The following KDM5A variants were observed in gnomAD, a reference collection of about 807,000 sequenced individuals.
The protein encoded by KDM5A is lysine-specific demethylase 5A.
Under a neutral mutation model 193.5 loss-of-function variants are expected in KDM5A, and 42 were observed. The ratio of observed to expected loss-of-function variants is 0.22; its 90% confidence interval spans 0.17 to 0.28. KDM5A has a LOEUF of 0.28. Ranked by LOEUF, KDM5A falls within the 10% of genes least tolerant of loss-of-function variation. The pLI is 1.00. For missense variants in KDM5A, 1,692 were observed against 2,055.1 expected, an observed-to-expected ratio of 0.82 and a Z score of 3.42; for synonymous variants, 796 against 718.1, an observed-to-expected ratio of 1.11 and a Z score of -1.73.
At chr12:366,180 A>G (rs903032211) in intron 3 of KDM5A, 76 bp from the exon 4 acceptor site, 3 of 1,301,330 alleles carry the variant, frequency 2.3e-6, no homozygotes, top group Admixed American at 4.0e-5. Context: ...TGTCTACTAA[A>G]TAGAAAAATT....
At chr12:357,415 C>G (rs985745634) in intron 5 of KDM5A, among the ~76,000 whole-genome samples, 10 of 151,634 alleles carry the variant, frequency 6.6e-5, no homozygotes, top group Non-Finnish European at 1.3e-4. Flanking sequence ...GCAGGAAGAT[C>G]ACTTGAAGCC....
At chr12:328,353 T>C (rs990744735) in intron 14 of KDM5A, among the ~76,000 whole-genome samples, 4 of 152,214 alleles carry the variant, frequency 2.6e-5, no homozygotes, top group African/African-American at 4.8e-5. Flanking sequence ...ACACATTTTC[T>C]CATATATTAC....
At chr12:297,992 T>C (rs1310043238) in intron 24 of KDM5A, among the ~76,000 whole-genome samples, 1 of 152,154 alleles carries the variant, frequency 6.6e-6, no homozygotes, top group Non-Finnish European at 1.5e-5. Context: ...TATTGCTCTC[T>C]AGATTCCTCC....
chr12:312,248 C>G (rs1288165231), intron 20 of KDM5A, among the ~76,000 whole-genome samples: 1 of 152,182 alleles, frequency 6.6e-6, no homozygotes, highest in Non-Finnish European at 1.5e-5. Context: ...TAAAATACGT[C>G]TCTCCAACTA....
intron 19 of KDM5A, among the ~76,000 whole-genome samples, chr12:317,617 T>C (rs985950431): frequency 6.6e-6 from 1 of 152,252 alleles, no homozygotes; most frequent in African/African-American, 2.4e-5. Flanking sequence ...ACTTAGCGAC[T>C]GGCCAGGGAA....
intron 17 of KDM5A, chr12:322,201 T>A: frequency 1.8e-6 from 1 of 569,912 alleles, no homozygotes; most frequent in South Asian, 2.1e-5. Flanking sequence ...ATGTGCCTGC[T>A]ATGTATGAAG....
At position 285,682 on chromosome 12, in the gene KDM5A, G is replaced by C. The variant is rs368187088; in HGVS notation, c.4867-20C>G. 2 of 1,601,012 alleles carry C rather than the reference G, an allele frequency of 1.2e-6. No homozygotes were observed. The highest frequency in any genetic ancestry group is 1.7e-6 in the Non-Finnish European group (2 of 1,168,224). ...GTCTACCTGTAGGAAACAAGATTGGGGAATGTTTAGGTTACATAAACATTA... is the reference window on the plus strand; with the variant it reads ...GTCTACCTGTAGGAAACAAGATTGGCGAATGTTTAGGTTACATAAACATTA... On this transcript the variant is annotated intron_variant, in intron 27 of 27. Coordinates refer to ENST00000399788, the MANE Select transcript of KDM5A (RefSeq NM_001042603.3).
At chr12:317,973 C>T (rs540119308) in intron 19 of KDM5A, 133 bp downstream of exon 19, 42 of 693,724 alleles carry the variant, frequency 6.1e-5, no homozygotes, top group Non-Finnish European at 9.8e-5. Context: ...TTAACTAATG[C>T]TACTTATACA....
chr12:291,902 T>G (rs946283503), intron 27 of KDM5A, among the ~76,000 whole-genome samples: 2 of 113,316 alleles, frequency 1.8e-5, no homozygotes, highest in East Asian at 9.0e-4. Flanking sequence ...AAAACAATGC[T>G]TTTTTTTTTT....
chr12:387,348 AT>A (rs1442875539), intron 1 of KDM5A: 18 of 246,354 alleles, frequency 7.3e-5, no homozygotes, highest in South Asian at 2.2e-4. Context: ...TTATTTCAGC[AT>A]TTTTTTAAGT....
At chr12:317,888 G>T (rs1053917699) in intron 19 of KDM5A, among the ~76,000 whole-genome samples, 6 of 152,126 alleles carry the variant, frequency 3.9e-5, no homozygotes, top group Non-Finnish European at 5.9e-5. Context: ...GCCTGCCAAA[G>T]CAGGGAGAGA....
At chr12:334,540 C>G in intron 10 of KDM5A, 118 bp from the exon 11 acceptor site, 1 of 729,112 alleles carries the variant, frequency 1.4e-6, no homozygotes, top group East Asian at 2.7e-5. Context: ...CTAGTGCATA[C>G]AATCTGTGCT....
At chr12:325,652 C>T (rs946137909) in intron 14 of KDM5A, among the ~76,000 whole-genome samples, 5 of 151,940 alleles carry the variant, frequency 3.3e-5, no homozygotes, top group African/African-American at 1.2e-4. Flanking sequence ...CCAACTCGGG[C>T]AACAGAGTGA....
At chr12:348,321 C>A (rs1033448229) in intron 10 of KDM5A, among the ~76,000 whole-genome samples, 2 of 152,256 alleles carry the variant, frequency 1.3e-5, no homozygotes, top group Non-Finnish European at 2.9e-5. Flanking sequence ...TGGGACTGTA[C>A]ACTAGTTCAA....
intron 27 of KDM5A, among the ~76,000 whole-genome samples, chr12:292,186 G>A (rs1043353514): frequency 6.6e-6 from 1 of 152,170 alleles, no homozygotes; most frequent in Non-Finnish European, 1.5e-5. Context: ...TTACAGGCGT[G>A]AGCCACACCT....
rs150943044 is a variant in KDM5A at position 378,696 on chromosome 12, C to T, written c.366+5335G>A. Among the ~76,000 whole-genome samples, 456 of 152,322 alleles carry T rather than the reference C, an allele frequency of 3.0e-3. 13 individuals carry two copies. In the East Asian group the frequency reaches 0.065, roughly 22 times the overall value. Reference sequence around the variant, plus strand: ...TTATTCAGCCAGGCACGGTGGCTCACGCCTGTAATCCCAGCACTTTGGGAG... The same window carrying T: ...TTATTCAGCCAGGCACGGTGGCTCATGCCTGTAATCCCAGCACTTTGGGAG... On this transcript the variant is annotated intron_variant, in intron 3 of 27. Coordinates refer to ENST00000399788, the MANE Select transcript of KDM5A (RefSeq NM_001042603.3).
At chr12:318,740 G>A (rs1047521661) in intron 18 of KDM5A, among the ~76,000 whole-genome samples, 3 of 152,192 alleles carry the variant, frequency 2.0e-5, no homozygotes, top group Non-Finnish European at 4.4e-5. Flanking sequence ...CAGTATTAAA[G>A]AAGACATAAA....
At chr12:349,489 T>C (rs1193263318) in intron 10 of KDM5A, among the ~76,000 whole-genome samples, 1 of 151,398 alleles carries the variant, frequency 6.6e-6, no homozygotes, top group African/African-American at 2.4e-5. Flanking sequence ...ACCACCATAC[T>C]CGGCTAATTT....
chr12:323,841 TTA>T, intron 14 of KDM5A, 60 bp from the exon 15 acceptor site: 1 of 1,396,222 alleles, frequency 7.2e-7, no homozygotes. Flanking sequence ...ATCAAAAAAC[TTA>T]AGTTACTACA....
Sources: allele counts gnomAD v4.1 joint callset (sites outside exome capture counted in the v4.1 genomes callset), GRCh38; gene constraint gnomAD v4.1.1; transcripts MANE v1.5; gene names NCBI Gene and HGNC (gene_info 2026-07-23, HGNC 2026-07-21).